The following BANP variants were observed in gnomAD, a reference collection of about 807,000 sequenced individuals.
BANP encodes BTG3 associated nuclear protein, also known as protein BANP.
A neutral mutation model predicts 68.1 loss-of-function variants in BANP; 11 were observed. The observed-to-expected ratio is 0.16, with a 90% CI of 0.10 to 0.27. The LOEUF (loss-of-function observed/expected upper bound fraction) is 0.27. Among genes scored for constraint, BANP ranks in the 10% least tolerant of loss-of-function variants. BANP has a pLI of 1.00. For synonymous variants in BANP, 329 were observed against 303.2 expected, an observed-to-expected ratio of 1.09 and a Z score of -0.88; for missense variants, 504 against 722.7, an observed-to-expected ratio of 0.70 and a Z score of 3.47.
At chr16:88,023,868 T>G (rs1427873129) in intron 7 of BANP, among the ~76,000 whole-genome samples, 1 of 152,114 alleles carries the variant, frequency 6.6e-6, no homozygotes, top group Admixed American at 6.5e-5. Flanking sequence ...GCTGCCTGGC[T>G]GAGCCTGGAA....
intron 11 of BANP, among the ~76,000 whole-genome samples, chr16:88,041,113 C>G (rs1400132525): frequency 6.6e-6 from 1 of 152,254 alleles, no homozygotes. Flanking sequence ...TGGGCTCACA[C>G]TTGTTGCCGT....
chr16:87,981,937 G>C (rs2063354337), intron 3 of BANP, among the ~76,000 whole-genome samples: 2 of 152,230 alleles, frequency 1.3e-5, no homozygotes, highest in Non-Finnish European at 2.9e-5. Context: ...CATGTGAGAA[G>C]GTTATGAGAG....
chr16:88,068,885 G>A (rs1206998138), intron 12 of BANP, among the ~76,000 whole-genome samples: 2 of 39,450 alleles, frequency 5.1e-5, no homozygotes, highest in Admixed American at 3.4e-4. Flanking sequence ...CTCCCTGGGC[G>A]CTCTCGTCCC....
Position 88,057,533 on chromosome 16 carries a change from G to A in BANP, c.1312-7734G>A, listed in dbSNP as rs947090402. ...AGGAGTGAAAAACACCCCTCAGGTC[G>A]CTTCATGCTGATTCTGTTTAGGCCC... On this transcript the variant is annotated intron_variant, in intron 11 of 13. Coordinates refer to ENST00000682872, the MANE Select transcript of BANP (RefSeq NM_001386991.1). This position sits in a 1 kb window ranked among gnomAD's most constrained non-coding sequence, Gnocchi z 4.6. Among the ~76,000 whole-genome samples the A allele has an allele frequency of 2.0e-5, 3 of 152,032 alleles. No individual in the cohort carries two copies. Among genetic ancestry groups the A allele is most frequent in the East Asian group, 3.9e-4 (2 of 5,172 alleles).
chr16:88,037,214 C>T (rs901765743), intron 10 of BANP: 1 of 152,190 alleles, frequency 6.6e-6, no homozygotes, highest in Non-Finnish European at 1.5e-5. Context: ...ATCTTGACTA[C>T]TCGAATTTCA....
At chr16:88,073,553 G>GA (rs2090912668) in intron 13 of BANP, among the ~76,000 whole-genome samples, 1 of 152,002 alleles carries the variant, frequency 6.6e-6, no homozygotes. Flanking sequence ...GCAGTGAGGA[G>GA]CGGGTGGGTG....
intron 1 of BANP, among the ~76,000 whole-genome samples, chr16:87,970,648 G>A (rs1052524623): frequency 2.0e-5 from 3 of 152,144 alleles, no homozygotes; most frequent in African/African-American, 4.8e-5. Context: ...AGTTGTTACC[G>A]TTGTTGATAG....
intron 6 of BANP, among the ~76,000 whole-genome samples, chr16:88,009,341 G>T (rs576504805): frequency 6.6e-6 from 1 of 152,192 alleles, no homozygotes; most frequent in South Asian, 2.1e-4. Context: ...AATAGGAGCC[G>T]CAGGAGACAG....
intron 11 of BANP, among the ~76,000 whole-genome samples, chr16:88,039,766 C>G (rs1174188185): frequency 1.4e-5 from 2 of 143,176 alleles, no homozygotes; most frequent in East Asian, 4.2e-4. Context: ...GGAGGAGTTG[C>G]TGTCTGGATT....
In BANP at chr16:88,024,084, T is replaced by C. The variant is rs111782893; in HGVS notation, c.896-3399T>C. The stretch of plus-strand genomic sequence containing the variant: ...GCTGCAGGGGAGACTTCTGCCTCGA[T>C]TGAAGTCCGACTAGGCCTCCCAGAG... On this transcript the variant is annotated intron_variant, in intron 7 of 13. Transcript: ENST00000682872. 9.0e-4 allele frequency among the ~76,000 whole-genome samples: 137 copies of C among 152,320 alleles called. 1 individual carries two copies. The highest frequency in any genetic ancestry group is 1.7e-3 in the African/African-American group (70 of 41,572).
chr16:88,034,382 G>T (rs1418407346), intron 9 of BANP, among the ~76,000 whole-genome samples: 1 of 152,174 alleles, frequency 6.6e-6, no homozygotes, highest in Non-Finnish European at 1.5e-5. Flanking sequence ...GACTAAGAGA[G>T]AATTTCAAAT....
intron 11 of BANP, among the ~76,000 whole-genome samples, chr16:88,053,349 A>T (rs1271161198): frequency 1.4e-5 from 2 of 145,644 alleles, no homozygotes; most frequent in Non-Finnish European, 3.0e-5. Context: ...TCACCAACAC[A>T]ACCACCCTAA....
intron 1 of BANP, among the ~76,000 whole-genome samples, chr16:87,954,718 C>T (rs1322276289): frequency 6.6e-6 from 1 of 152,262 alleles, no homozygotes. Flanking sequence ...GCCTGTGCCC[C>T]CGGTGCTTTC....
At chr16:88,034,419 C>T (rs2078859904) in intron 9 of BANP, among the ~76,000 whole-genome samples, 3 of 152,170 alleles carry the variant, frequency 2.0e-5, no homozygotes, top group Non-Finnish European at 4.4e-5. Context: ...GTTTCATTTA[C>T]AGGTTTATAG....
intron 11 of BANP, among the ~76,000 whole-genome samples, chr16:88,049,841 C>G (rs1034404801): frequency 1.3e-5 from 2 of 152,208 alleles, no homozygotes; most frequent in Non-Finnish European, 2.9e-5. Flanking sequence ...CCAGACATCT[C>G]TAATGCGTTT....
intron 11 of BANP, among the ~76,000 whole-genome samples, chr16:88,048,804 A>G (rs956241525): frequency 6.6e-6 from 1 of 152,118 alleles, no homozygotes; most frequent in African/African-American, 2.4e-5. Context: ...ATAGGAGCTC[A>G]CCACAGATTA....
At chr16:87,994,006 G>A (rs998444030) in intron 4 of BANP, among the ~76,000 whole-genome samples, 3 of 152,146 alleles carry the variant, frequency 2.0e-5, no homozygotes, top group African/African-American at 4.8e-5. Flanking sequence ...GAAAGATGAC[G>A]TTAGAGACCA....
chr16:88,027,597 C>T lies in BANP; in HGVS notation c.1010C>T (p.Ala337Val), dbSNP rs1275748600. 6.2e-6 allele frequency: 10 copies of T among 1,613,838 alleles called. No homozygotes were observed. The highest frequency in any genetic ancestry group is 1.1e-5 in the South Asian group (1 of 91,082). Residue 337 changes from alanine (A) to valine (V), a missense_variant, in exon 8 of 14, where the codon GCG becomes GTG. Ala to Val is a moderately conservative substitution (Grantham distance 64). Transcript: ENST00000682872. ...WRRKQRGQSL[A>V]VKSFSRRTPN... Reference sequence around the variant, plus strand: ...CGCAAGCAGCGGGGCCAGAGCCTGGCGGTCAAGAGCTTCTCGCGGAGAACG... The same window carrying T: ...CGCAAGCAGCGGGGCCAGAGCCTGGTGGTCAAGAGCTTCTCGCGGAGAACG...
chr16:88,016,784 T>G (rs1242642376), intron 6 of BANP, among the ~76,000 whole-genome samples: 2 of 152,182 alleles, frequency 1.3e-5, no homozygotes, highest in African/African-American at 4.8e-5. Flanking sequence ...TCTGAAAAAA[T>G]GCACGTCTGA....
Sources: allele counts gnomAD v4.1 joint callset (sites outside exome capture counted in the v4.1 genomes callset), GRCh38; gene constraint gnomAD v4.1.1; non-coding constraint Gnocchi (gnomAD v3.1); transcripts MANE v1.5; gene names NCBI Gene and HGNC (gene_info 2026-07-23, HGNC 2026-07-21).